CASP9: variants seen among roughly 807,000 people sequenced by gnomAD.
CASP9 encodes the protein caspase-9.
Under a neutral mutation model 43.5 loss-of-function variants are expected in CASP9, and 29 were observed. That is an observed-to-expected ratio of 0.67 (90% CI 0.50 to 0.91). The LOEUF (loss-of-function observed/expected upper bound fraction) is 0.91. CASP9 is among the 40% of genes least tolerant of loss of function. CASP9 has a pLI of 0.00. For synonymous variants in CASP9, 206 were observed against 211.9 expected, an observed-to-expected ratio of 0.97 and a Z score of 0.24; for missense variants, 575 against 537.4, an observed-to-expected ratio of 1.07 and a Z score of -0.69.
chr1:15,505,956 A>G (rs1709501993), intron 5 of CASP9, 34 bp downstream of exon 5: 6 of 1,536,096 alleles, frequency 3.9e-6, no homozygotes, highest in African/African-American at 1.4e-5. Context: ...CCAGTACCCA[A>G]TGCCTGCCCA....
intron 6 of CASP9, among the ~76,000 whole-genome samples, chr1:15,495,823 T>C (rs143232734): frequency 1.3e-5 from 2 of 152,184 alleles, no homozygotes; most frequent in African/African-American, 2.4e-5. Context: ...CAAATGCATA[T>C]CTGATTATTC....
Position 15,510,140 on chromosome 1 carries a change from G to A in CASP9, c.419-2233C>T, listed in dbSNP as rs572917294. ...AGATGGGGTTTCACCATGTTAGCCA[G>A]GCTGGTCTCGAACTCCTGACCTCAG... is the stretch of plus-strand genomic sequence containing the variant. On this transcript the variant is annotated intron_variant, in intron 2 of 8. Transcript: ENST00000333868. Among the ~76,000 whole-genome samples, 12 of 152,286 alleles carry A rather than the reference G, an allele frequency of 7.9e-5. No homozygotes were observed. In the East Asian group the frequency reaches 2.1e-3, roughly 27 times the overall value.
intron 6 of CASP9, among the ~76,000 whole-genome samples, chr1:15,502,038 C>T (rs1344855024): frequency 6.6e-6 from 1 of 152,218 alleles, no homozygotes; most frequent in Non-Finnish European, 1.5e-5. Flanking sequence ...GCGTGAACCA[C>T]CACAGATGCT....
chr1:15,506,117 T>C (rs777347356), intron 4 of CASP9, 38 bp from the exon 5 acceptor site: 5 of 1,365,394 alleles, frequency 3.7e-6, no homozygotes, highest in South Asian at 3.5e-5. Flanking sequence ...GAAGCACGGA[T>C]AGGTCTAGAT....
intron 2 of CASP9, among the ~76,000 whole-genome samples, chr1:15,515,704 T>C (rs957602571): frequency 3.3e-5 from 5 of 152,218 alleles, no homozygotes; most frequent in Admixed American, 3.3e-4. Context: ...CAATATTCAC[T>C]GTTGGCAAGA....
rs546226046 is a variant in CASP9 at position 15,495,213 on chromosome 1, C to A, written c.1048+60G>T. The A allele has an allele frequency of 3.0e-5, 45 of 1,491,648 alleles. No homozygotes were observed. In the Middle Eastern group the frequency reaches 5.2e-4, roughly 17 times the overall value. The allele number at this position is 1,491,648 out of a possible 1,614,324, so 92.4% of individuals were successfully genotyped here. On this transcript the variant is annotated intron_variant, in intron 7 of 8. Transcript: ENST00000333868. ...GGTCTTTTCTCTCACCACACAGCTG[C>A]CTCTAGGGCAGACGGGAAGACCCAC...
chr1:15,495,594 C>A, intron 6 of CASP9, 142 bp from the exon 7 acceptor site: 2 of 720,268 alleles, frequency 2.8e-6, no homozygotes, highest in Non-Finnish European at 4.1e-6. Flanking sequence ...TTAAGCCAAA[C>A]GGAAAAGTCA....
intron 3 of CASP9, 132 bp from the exon 4 acceptor site, chr1:15,507,207 G>A: frequency 2.0e-6 from 2 of 988,854 alleles, no homozygotes; most frequent in East Asian, 2.6e-5. Flanking sequence ...GGCATTCCAG[G>A]GCAAAAGAGA....
intron 1 of CASP9, among the ~76,000 whole-genome samples, chr1:15,521,474 T>C (rs986702993): frequency 7.2e-5 from 11 of 152,172 alleles, no homozygotes; most frequent in African/African-American, 2.4e-4. Context: ...TGGTTCCTGT[T>C]TGAAGTTCAT....
Position 15,524,092 on chromosome 1 carries a change from G to T in CASP9, c.109C>A (p.Pro37Thr). ...DALLSRELFR[P>T]HMIEDIQRAG... ...ACCTGGATGTCCTCGATCATATGGGGCCTGAACAGCTCGCGGCTCAGCAGG... is the reference window on the plus strand; with the variant it reads ...ACCTGGATGTCCTCGATCATATGGGTCCTGAACAGCTCGCGGCTCAGCAGG... The change falls in exon 1 of 9, where the codon CCC becomes ACC. Residue 37 changes from proline to threonine, a missense_variant. Physicochemically the swap from Pro to Thr is conservative, Grantham distance 38. Transcript: ENST00000333868. The T allele has an allele frequency of 6.5e-7, 1 of 1,538,676 alleles. No homozygotes were observed. Among genetic ancestry groups the T allele is most frequent in the Non-Finnish European group, 8.7e-7 (1 of 1,147,340 alleles).
At position 15,506,971 on chromosome 1, in the gene CASP9, G is replaced by A; in HGVS notation, c.558C>T (p.Asp186=). Residue 186 remains aspartate, a synonymous_variant, in exon 4 of 9, where the codon GAC becomes GAT. Coordinates refer to ENST00000333868, the MANE Select transcript of CASP9 (RefSeq NM_001229.5). ...GLRTRTGSNI[D]CEKLRRRFSS... ...AGAAGCGACGCCGCAACTTCTCACA[G>A]TCGATGTTGGAGCCAGTGCGGGTGC... is the stretch of plus-strand genomic sequence containing the variant. 3.7e-6 allele frequency: 6 copies of A among 1,614,214 alleles called. No homozygotes were observed. The highest frequency in any genetic ancestry group is 5.1e-6 in the Non-Finnish European group (6 of 1,180,038).
In CASP9 at chr1:15,493,894, T is replaced by C. The variant is rs1445011247; in HGVS notation, c.1156A>G (p.Arg386Gly). 6.3e-7 allele frequency: 1 copy of C among 1,591,292 alleles called. No individual in the cohort carries two copies. The highest frequency in any genetic ancestry group is 1.7e-5 in the Admixed American group (1 of 57,620). ...TTGCAGAGGAAGGCAGCACTCACCC[T>C]AAGCAGGAGGGACTGCAGGTCTTCA... is the stretch of plus-strand genomic sequence containing the variant. Reference protein sequence around the residue: ...HSEDLQSLLLRVANAVSVKGI... With the variant: ...HSEDLQSLLLGVANAVSVKGI... Residue 386 changes from arginine to glycine, a missense_variant and splice_region_variant, in exon 8 of 9, where the codon AGG becomes GGG. Arg to Gly is a moderately radical substitution (Grantham distance 125). Coordinates refer to ENST00000333868, the MANE Select transcript of CASP9 (RefSeq NM_001229.5).
At chr1:15,504,835 G>T in intron 5 of CASP9, 77 bp from the exon 6 acceptor site, 1 of 1,457,506 alleles carries the variant, frequency 6.9e-7, no homozygotes, top group Non-Finnish European at 9.4e-7. Context: ...AGGTTTTGTG[G>T]GAGCCAAGGA....
chr1:15,493,162 T>C, intron 8 of CASP9, 127 bp from the exon 9 acceptor site: 1 of 1,509,564 alleles, frequency 6.6e-7, no homozygotes, highest in East Asian at 2.3e-5. Flanking sequence ...GCAGCCTCTT[T>C]GAGCAGGAGG....
intron 2 of CASP9, 108 bp from the exon 3 acceptor site, chr1:15,508,015 C>G: frequency 9.1e-7 from 1 of 1,104,796 alleles, no homozygotes; most frequent in Non-Finnish European, 1.4e-6. Context: ...AGAACTCAGA[C>G]CCTCAGACTC....
chr1:15,497,000 G>A (rs766500475), intron 6 of CASP9, among the ~76,000 whole-genome samples: 21 of 151,990 alleles, frequency 1.4e-4, no homozygotes, highest in Non-Finnish European at 2.9e-4. Context: ...GGGTGACAAA[G>A]CAAGACCCAG....
chr1:15,506,075 A>G lies in CASP9; in HGVS notation c.635T>C (p.Met212Thr). The G allele has an allele frequency of 6.2e-7, 1 of 1,612,354 alleles. No individual in the cohort carries two copies. The highest frequency in any genetic ancestry group is 1.1e-5 in the South Asian group (1 of 91,050). ...EVKGDLTAKK[M>T]VLALLELAQQ... Reference sequence around the variant, plus strand: ...CGCCAGCTCCAGCAAAGCCAGCACCATTTTCTACAAGAGAGGGCTGCAGGT... The same window carrying G: ...CGCCAGCTCCAGCAAAGCCAGCACCGTTTTCTACAAGAGAGGGCTGCAGGT... Residue 212 changes from methionine to threonine, a missense_variant, in exon 5 of 9, where the codon ATG becomes ACG. Coordinates refer to ENST00000333868, the MANE Select transcript of CASP9 (RefSeq NM_001229.5).
chr1:15,504,870 C>T (rs4646050), intron 5 of CASP9, 112 bp from the exon 6 acceptor site: 113 of 1,044,414 alleles, frequency 1.1e-4, no homozygotes, highest in African/African-American at 1.9e-4. Context: ...GCCAGGGGCA[C>T]GAGGCTGATT....
intron 6 of CASP9, 97 bp downstream of exon 6, chr1:15,504,514 A>C: frequency 7.8e-7 from 1 of 1,277,562 alleles, no homozygotes; most frequent in Admixed American, 2.6e-5. Flanking sequence ...GCCTGGAGAG[A>C]CCTCATGGGC....
Sources: gnomAD v4.1 joint callset for allele counts (sites outside exome capture counted in the v4.1 genomes callset) on GRCh38, gnomAD v4.1.1 for gene constraint, MANE v1.5 for transcripts, NCBI Gene and HGNC (gene_info 2026-07-23, HGNC 2026-07-21) for gene names.